PABPC1L: variants seen among roughly 807,000 people sequenced by gnomAD.
PABPC1L encodes polyadenylate-binding protein 1-like.
A neutral mutation model predicts 66.6 loss-of-function variants in PABPC1L; 31 were observed. The ratio of observed to expected loss-of-function variants is 0.47; its 90% CI spans 0.35 to 0.63. PABPC1L has a LOEUF of 0.63. Ranked by LOEUF, PABPC1L falls within the 20% of genes least tolerant of loss-of-function variation. The pLI, the probability that PABPC1L is intolerant of heterozygous loss-of-function variation, is 0.00. For missense variants in PABPC1L, 722 were observed against 848.8 expected (o/e 0.85, Z 1.86); for synonymous variants, 348 against 335.1 (o/e 1.04, Z -0.42).
rs370439589 is a variant in PABPC1L at position 44,928,709 on chromosome 20, A to G, written c.973-1751A>G. Among the ~76,000 whole-genome samples, 4 of 151,844 alleles carry G rather than the reference A, an allele frequency of 2.6e-5. No individual in the cohort carries two copies. The East Asian group carries it at 5.8e-4, about 22-fold the overall frequency. ...GGATGAGACCTCATCTTTACAAAAA[A>G]TGAACAAAATTAGGCATGGTGGTGC... On this transcript the variant is annotated intron_variant, in intron 7 of 14. Coordinates refer to ENST00000217073, the MANE Select transcript of PABPC1L (RefSeq NM_001372179.1).
At chr20:44,937,459 G>A (rs1043730840) in intron 12 of PABPC1L, among the ~76,000 whole-genome samples, 1 of 151,426 alleles carries the variant, frequency 6.6e-6, no homozygotes, top group Non-Finnish European at 1.5e-5. Context: ...CTGCTGCCCC[G>A]GCTGGAGTGC....
chr20:44,924,096 A>G, intron 6 of PABPC1L, 65 bp from the exon 7 acceptor site: 1 of 1,337,590 alleles, frequency 7.5e-7, no homozygotes, highest in East Asian at 2.3e-5. Context: ...CAGTTCCCTG[A>G]TCTCCCCAAG....
intron 9 of PABPC1L, 65 bp from the exon 10 acceptor site, chr20:44,932,992 T>C: frequency 9.0e-7 from 1 of 1,110,214 alleles, no homozygotes; most frequent in Non-Finnish European, 1.3e-6. Context: ...AGGCACAGTG[T>C]GCCACCCTGA....
In PABPC1L at chr20:44,933,037, T is replaced by A. The variant is rs1195616155; in HGVS notation, c.1331-20T>A. The A allele has an allele frequency of 6.6e-7, 1 of 1,521,006 alleles. No individual in the cohort carries two copies. 94.2% of individuals were successfully genotyped at this position (1,521,006 alleles called of 1,614,324 possible). Reference sequence around the variant, plus strand: ...CCACTCCATCCAACTTTTCTCTCTCTGTGGTGTCTGCACCACAAGCTGCCT... The same window carrying A: ...CCACTCCATCCAACTTTTCTCTCTCAGTGGTGTCTGCACCACAAGCTGCCT... On this transcript the variant is annotated intron_variant, in intron 9 of 14. Transcript: ENST00000217073.
At chr20:44,934,132 A>T (rs922522676) in intron 10 of PABPC1L, among the ~76,000 whole-genome samples, 2 of 152,104 alleles carry the variant, frequency 1.3e-5, no homozygotes, top group African/African-American at 4.8e-5. Context: ...AGTGACTATA[A>T]ACAAGGGTGT....
At chr20:44,914,204 C>CTTTTTTTTTT (rs1201412446) in intron 2 of PABPC1L, among the ~76,000 whole-genome samples, 1 of 114,370 alleles carries the variant, frequency 8.7e-6, no homozygotes, top group African/African-American at 3.6e-5. Context: ...TGTGTCAGAA[C>CTTTTTTTTTT]TTTTTTTTTT....
chr20:44,925,235 C>T (rs529083135), intron 7 of PABPC1L, among the ~76,000 whole-genome samples: 272 of 146,962 alleles, frequency 1.9e-3, no homozygotes, highest in African/African-American at 6.4e-3. Context: ...AAAAAAGCGC[C>T]CAGATGGTTT....
At chr20:44,932,541 G>A in intron 9 of PABPC1L, 109 bp downstream of exon 9, 1 of 937,134 alleles carries the variant, frequency 1.1e-6, no homozygotes, top group Non-Finnish European at 1.6e-6. Context: ...CAAGGTGGGT[G>A]ACTTCACTTC....
chr20:44,931,484 T>C (rs1361991039), intron 8 of PABPC1L: 1 of 151,900 alleles, frequency 6.6e-6, no homozygotes, highest in East Asian at 1.9e-4. Flanking sequence ...GCCCTACATT[T>C]TTTTAAAAAT....
intron 9 of PABPC1L, 45 bp from the exon 10 acceptor site, chr20:44,933,012 C>A: frequency 1.5e-6 from 2 of 1,357,534 alleles, no homozygotes; most frequent in Non-Finnish European, 2.1e-6. Context: ...ATTATTCCCA[C>A]CACTCCATCC....
At position 44,931,041 on chromosome 20, in the gene PABPC1L, C is replaced by CTCCCT. The variant is rs1334947066; in HGVS notation, c.1239+336_1239+340dup. On this transcript the variant is annotated intron_variant, in intron 8 of 14. Coordinates refer to ENST00000217073, the MANE Select transcript of PABPC1L (RefSeq NM_001372179.1). ...CCCTTCCCTCCCTTCCCTCCCTTCC[C>CTCCCT]TCCCTTCCCTTCCCTTCCCTTCCCT... Among the ~76,000 whole-genome samples, 16 of 55,958 alleles carry CTCCCT rather than the reference C, an allele frequency of 2.9e-4. 2 individuals are homozygous for CTCCCT. The highest frequency in any genetic ancestry group is 4.0e-4 in the Non-Finnish European group (11 of 27,798). The allele number at this position is 55,958 out of a possible 152,430, so 36.7% of individuals were successfully genotyped here.
At chr20:44,932,095 T>C (rs1057303155) in intron 8 of PABPC1L, 9 of 344,976 alleles carry the variant, frequency 2.6e-5, no homozygotes, top group African/African-American at 1.9e-4. Context: ...TCACCCTTTT[T>C]ATCCAGGTCA....
At chr20:44,922,900 C>T (rs2066784216) in intron 6 of PABPC1L, among the ~76,000 whole-genome samples, 1 of 152,164 alleles carries the variant, frequency 6.6e-6, no homozygotes, top group Non-Finnish European at 1.5e-5. Context: ...CCTACAGTGC[C>T]CAGGACAATG....
chr20:44,927,339 CAA>C (rs1491550278), intron 7 of PABPC1L, among the ~76,000 whole-genome samples: 2 of 151,006 alleles, frequency 1.3e-5, no homozygotes, highest in Non-Finnish European at 2.9e-5. Context: ...AAGTTCTTAA[CAA>C]TATATATATA....
At chr20:44,930,088 C>A (rs191562517) in intron 7 of PABPC1L, among the ~76,000 whole-genome samples, 1 of 152,204 alleles carries the variant, frequency 6.6e-6, no homozygotes, top group East Asian at 1.9e-4. Context: ...CGATGCCTCC[C>A]GCATCGGGAG....
At chr20:44,930,990 C>T (rs960936202) in intron 8 of PABPC1L, among the ~76,000 whole-genome samples, 68 of 112,696 alleles carry the variant, frequency 6.0e-4, no homozygotes, top group Non-Finnish European at 1.1e-3. Context: ...TAAGCAAGAC[C>T]TACATTTTTC....
intron 10 of PABPC1L, among the ~76,000 whole-genome samples, chr20:44,934,159 G>C (rs1376242651): frequency 6.6e-6 from 1 of 152,160 alleles, no homozygotes; most frequent in African/African-American, 2.4e-5. Context: ...TGGCTGTACA[G>C]CAAGCACATC....
intron 10 of PABPC1L, 84 bp from the exon 11 acceptor site, chr20:44,935,307 T>C: frequency 1.1e-6 from 1 of 948,802 alleles, no homozygotes; most frequent in Non-Finnish European, 1.7e-6. Context: ...ATTTTCTGTT[T>C]TGGTGTTGTT....
chr20:44,932,946 T>G, intron 9 of PABPC1L, 111 bp from the exon 10 acceptor site: 1 of 657,744 alleles, frequency 1.5e-6, no homozygotes, highest in Non-Finnish European at 2.7e-6. Context: ...TGTTGTAGTT[T>G]CCCTTCCCAT....
Sources: gnomAD v4.1 joint callset for allele counts (sites outside exome capture counted in the v4.1 genomes callset) on GRCh38, gnomAD v4.1.1 for gene constraint, MANE v1.5 for transcripts, NCBI Gene and HGNC (gene_info 2026-07-23, HGNC 2026-07-21) for gene names.